The following PIK3C3 variants were observed in gnomAD, a reference collection of about 807,000 sequenced individuals.
The protein encoded by PIK3C3 is phosphatidylinositol 3-kinase catalytic subunit type 3.
PIK3C3 carries 95 observed loss-of-function variants against 126.1 expected under a neutral mutation model. The observed-to-expected ratio is 0.75, with a 90% CI of 0.64 to 0.89. PIK3C3 has a LOEUF of 0.89. PIK3C3 is among the 40% of genes least tolerant of loss of function. The probability of loss-of-function intolerance (pLI) is 0.00; values close to 1 mark genes in which losing one functional copy is unlikely to be tolerated. For synonymous variants in PIK3C3, 374 were observed against 360.0 expected (o/e 1.04, Z -0.44); for missense variants, 829 against 1,063.2 (o/e 0.78, Z 3.06).
chr18:42,068,773 A>G (rs1230436205), intron 24 of PIK3C3, among the ~76,000 whole-genome samples: 1 of 152,040 alleles, frequency 6.6e-6, no homozygotes, highest in Non-Finnish European at 1.5e-5. Flanking sequence ...ACACAGTGAA[A>G]CCCTGTCTCT....
chr18:42,064,968 T>C, intron 23 of PIK3C3, 138 bp downstream of exon 23: 1 of 551,814 alleles, frequency 1.8e-6, no homozygotes, highest in Non-Finnish European at 3.3e-6. Context: ...ATAGGTTCTC[T>C]CATCTGGAGA....
Position 41,970,646 on chromosome 18 carries a change from G to A in PIK3C3, c.531+190G>A, listed in dbSNP as rs1980620874. 3 of 632,092 alleles carry A rather than the reference G, an allele frequency of 4.7e-6. No homozygotes were observed. In the South Asian group the frequency reaches 5.8e-5, roughly 12 times the overall value. The allele number at this position is 632,092 out of a possible 1,614,324, so 39.2% of individuals were successfully genotyped here. The stretch of plus-strand genomic sequence containing the variant: ...GGAAAGCATACAGTCTGATGGTTTA[G>A]TAAATTTACAGACTTGTATAATCAT... On this transcript the variant is annotated intron_variant, in intron 4 of 24. Coordinates refer to ENST00000262039, the MANE Select transcript of PIK3C3 (RefSeq NM_002647.4).
At chr18:41,993,595 A>G (rs187885635) in intron 7 of PIK3C3, among the ~76,000 whole-genome samples, 1 of 152,058 alleles carries the variant, frequency 6.6e-6, no homozygotes, top group African/African-American at 2.4e-5. Context: ...AGAGCTAGGC[A>G]GTATACTCTT....
rs556451197 is a variant in PIK3C3 at position 42,030,385 on chromosome 18, G to T, written c.1707+944G>T. Among the ~76,000 whole-genome samples, 32 of 152,232 alleles carry T rather than the reference G, an allele frequency of 2.1e-4. No homozygotes were observed. In the South Asian group the frequency reaches 6.6e-3, roughly 32 times the overall value. On this transcript the variant is annotated intron_variant, in intron 15 of 24. Transcript: ENST00000262039. ...GTAGCCTAAATGATATGAAAGATTCGCTTGGTATCTTTTCCTAATTCCATT... is the reference window on the plus strand; with the variant it reads ...GTAGCCTAAATGATATGAAAGATTCTCTTGGTATCTTTTCCTAATTCCATT...
chr18:42,009,319 A>C lies in PIK3C3; in HGVS notation c.1171-4123A>C, dbSNP rs1193853073. ...ATAATCTTCCATTTAATTTATATTTATGATGAAGTCATATGTATTACTCTT... is the reference window on the plus strand; with the variant it reads ...ATAATCTTCCATTTAATTTATATTTCTGATGAAGTCATATGTATTACTCTT... On this transcript the variant is annotated intron_variant, in intron 10 of 24. Coordinates refer to ENST00000262039, the MANE Select transcript of PIK3C3 (RefSeq NM_002647.4). Among the ~76,000 whole-genome samples, 8 of 152,172 alleles carry C rather than the reference A, an allele frequency of 5.3e-5. No homozygotes were observed. The East Asian group carries it at 1.5e-3, about 29-fold the overall frequency.
At chr18:41,980,790 G>A (rs629481) in intron 4 of PIK3C3, among the ~76,000 whole-genome samples, 74,963 of 151,934 alleles carry the variant, frequency 0.49, 20,186 homozygotes, top group African/African-American at 0.72. Flanking sequence ...GAAAACTTCC[G>A]TCTTTTAAAT....
chr18:42,015,676 TATTAA>T (rs1174315057), intron 12 of PIK3C3, 110 bp downstream of exon 12: 2 of 749,450 alleles, frequency 2.7e-6, no homozygotes, highest in African/African-American at 3.6e-5. Flanking sequence ...ATTACAACTT[TATTAA>T]ATAACTTACT....
At chr18:42,005,763 A>G (rs951070516) in intron 10 of PIK3C3, among the ~76,000 whole-genome samples, 1 of 151,658 alleles carries the variant, frequency 6.6e-6, no homozygotes, top group Non-Finnish European at 1.5e-5. Flanking sequence ...AATATTTATT[A>G]AAGTTGATCA....
Position 42,004,502 on chromosome 18 carries a change from G to A in PIK3C3, c.1131G>A (p.Arg377=). 6.2e-7 allele frequency: 1 copy of A among 1,604,076 alleles called. No homozygotes were observed. Among genetic ancestry groups the A allele is most frequent in the Non-Finnish European group, 8.5e-7 (1 of 1,177,444 alleles). Residue 377 remains arginine, a synonymous_variant, in exon 10 of 25, where the codon AGG becomes AGA. Coordinates refer to ENST00000262039, the MANE Select transcript of PIK3C3 (RefSeq NM_002647.4). ...CTCATTACACCAACCCAACTGTGAG[G>A]CGTTATGCTGTTGCCCGGTTGCGAC... is the stretch of plus-strand genomic sequence containing the variant. ...LSSHYTNPTV[R]RYAVARLRQA...
chr18:42,080,053 T>A (rs1403046341), intron 24 of PIK3C3, among the ~76,000 whole-genome samples: 1 of 150,828 alleles, frequency 6.6e-6, no homozygotes, highest in Non-Finnish European at 1.5e-5. Flanking sequence ...ATTAATTTGG[T>A]CCTCGGGCAT....
intron 3 of PIK3C3, among the ~76,000 whole-genome samples, chr18:41,964,667 A>G (rs1980266044): frequency 6.6e-6 from 1 of 152,096 alleles, no homozygotes. Flanking sequence ...CTTTTAAAAT[A>G]TTTCCAGGTT....
At position 41,966,906 on chromosome 18, in the gene PIK3C3, A is replaced by G. The variant is rs531497865; in HGVS notation, c.402-3421A>G. 9.2e-5 allele frequency among the ~76,000 whole-genome samples: 14 copies of G among 152,342 alleles called. No individual in the cohort carries two copies. The East Asian group carries it at 2.7e-3, about 29-fold the overall frequency. ...AACTAACATAACGTAAGATTTTAAT[A>G]TAGGTCTAAGATATTTTGAGGGGGT... On this transcript the variant is annotated intron_variant, in intron 3 of 24. Transcript: ENST00000262039.
intron 24 of PIK3C3, among the ~76,000 whole-genome samples, chr18:42,072,137 AT>A (rs1035488596): frequency 6.6e-6 from 1 of 152,150 alleles, no homozygotes; most frequent in Non-Finnish European, 1.5e-5. Context: ...ACTGGCATCT[AT>A]TTTTTTGTCA....
chr18:42,069,264 A>G (rs1487833342), intron 24 of PIK3C3, among the ~76,000 whole-genome samples: 2 of 152,202 alleles, frequency 1.3e-5, no homozygotes, highest in Non-Finnish European at 2.9e-5. Context: ...TGTGATTCAA[A>G]TAGTATGTGA....
chr18:42,065,944 TC>T (rs1985519643), intron 23 of PIK3C3, among the ~76,000 whole-genome samples: 11 of 152,342 alleles, frequency 7.2e-5, no homozygotes, highest in Admixed American at 5.9e-4. Context: ...TCTTTGTAAT[TC>T]AGGCACTTAT....
intron 20 of PIK3C3, among the ~76,000 whole-genome samples, chr18:42,044,976 T>C (rs902615731): frequency 6.6e-6 from 1 of 152,234 alleles, no homozygotes; most frequent in Non-Finnish European, 1.5e-5. Context: ...GTTGCTTTCT[T>C]ATACATAATA....
In PIK3C3 at chr18:42,083,163, A is replaced by G. The variant is rs1210253375; in HGVS notation, c.*2026A>G. 3 of 152,182 alleles carry G rather than the reference A, an allele frequency of 2.0e-5. No homozygotes were observed. Among genetic ancestry groups the G allele is most frequent in the Non-Finnish European group, 4.4e-5 (3 of 68,030 alleles). The allele number at this position is 152,182 out of a possible 1,614,324, so 9.4% of individuals were successfully genotyped here. ...AAAAGAAAAGTGGCTTATCAATCTC[A>G]GTTTTTATTGCTCAAAGCAATTCTT... On this transcript the variant is annotated 3_prime_UTR_variant, in exon 25 of 25. Coordinates refer to ENST00000262039, the MANE Select transcript of PIK3C3 (RefSeq NM_002647.4).
At chr18:42,078,214 A>G (rs995313223) in intron 24 of PIK3C3, among the ~76,000 whole-genome samples, 2 of 151,270 alleles carry the variant, frequency 1.3e-5, no homozygotes, top group African/African-American at 4.9e-5. Flanking sequence ...CGTCTCTACT[A>G]AAAATACAAA....
chr18:42,005,697 AGG>A (rs1456391841), intron 10 of PIK3C3, among the ~76,000 whole-genome samples: 1 of 152,200 alleles, frequency 6.6e-6, no homozygotes, highest in Non-Finnish European at 1.5e-5. Flanking sequence ...TTTAAGAGGG[AGG>A]GGACAGTGAG....
Sources: allele counts gnomAD v4.1 joint callset (sites outside exome capture counted in the v4.1 genomes callset), GRCh38; gene constraint gnomAD v4.1.1; transcripts MANE v1.5; gene names NCBI Gene and HGNC (gene_info 2026-07-23, HGNC 2026-07-21).